Variants in PCDHGA7 observed in about 807,000 individuals in gnomAD.
PCDHGA7 encodes protocadherin gamma-A7.
A neutral mutation model predicts 58.3 loss-of-function variants in PCDHGA7; 44 were observed. The ratio of observed to expected loss-of-function variants is 0.75; its 90% CI spans 0.59 to 0.97. The LOEUF (loss-of-function observed/expected upper bound fraction) is 0.97. PCDHGA7 is among the 50% of genes least tolerant of loss of function. The pLI is 0.00. For missense variants in PCDHGA7, 1,266 were observed against 1,188.7 expected (o/e 1.06, Z -0.96); for synonymous variants, 516 against 504.2 (o/e 1.02, Z -0.31).
chr5:141,503,598 CAAAA>C (rs765754054), intron 2 of PCDHGA7, among the ~76,000 whole-genome samples: 2 of 65,756 alleles, frequency 3.0e-5, no homozygotes. Flanking sequence ...GACTCCAGCT[CAAAA>C]AAAAAAAAAA....
In PCDHGA7 at chr5:141,383,270, T is replaced by C. The variant is rs373497176; in HGVS notation, c.371T>C (p.Ile124Thr). 25 of 1,613,746 alleles carry C rather than the reference T, an allele frequency of 1.5e-5. No homozygotes were observed. Among genetic ancestry groups the C allele is most frequent in the East Asian group, 1.1e-4 (5 of 44,896 alleles). Residue 124 changes from isoleucine to threonine, a missense_variant, in exon 1 of 4, where the codon ATA becomes ACA. Physicochemically the swap from Ile to Thr is moderately conservative, Grantham distance 89. Transcript: ENST00000518325. ...CTTTACCCTATAGACGTGGAAATAA[T>C]AGATATTAATGACAACGTTCCAAGA... The part of the protein sequence containing the change: ...MNLYPIDVEI[I>T]DINDNVPRFL...
Position 141,485,574 on chromosome 5 carries a change from C to T in PCDHGA7, c.2425-9233C>T. 1 of 1,612,568 alleles carries T rather than the reference C, an allele frequency of 6.2e-7. No homozygotes were observed. Among genetic ancestry groups the T allele is most frequent in the Non-Finnish European group, 8.5e-7 (1 of 1,178,752 alleles). On this transcript the variant is annotated intron_variant, in intron 1 of 3. Transcript: ENST00000518325. This position sits in a 1 kb window ranked among gnomAD's most constrained non-coding sequence, Gnocchi z 5.7. ...GTGAATGATCACGCCCCCCGTTTTCCGCGGCAGCAGCTGGACTTGGAAATT... is the reference window on the plus strand; with the variant it reads ...GTGAATGATCACGCCCCCCGTTTTCTGCGGCAGCAGCTGGACTTGGAAATT...
chr5:141,400,559 C>T (rs2150864766), intron 1 of PCDHGA7: 2 of 1,613,274 alleles, frequency 1.2e-6, no homozygotes, highest in Non-Finnish European at 1.7e-6. Flanking sequence ...TTTTCATTAC[C>T]CACCCAATTT....
At chr5:141,448,921 G>A (rs1323304761) in intron 1 of PCDHGA7, among the ~76,000 whole-genome samples, 3 of 152,120 alleles carry the variant, frequency 2.0e-5, no homozygotes, top group Admixed American at 1.3e-4. Flanking sequence ...CTCCAGCCTG[G>A]GCGACAGAGC....
intron 1 of PCDHGA7, chr5:141,399,620 C>T: frequency 6.2e-7 from 1 of 1,613,940 alleles, no homozygotes; most frequent in Non-Finnish European, 8.5e-7. Flanking sequence ...CTGGCACTGG[C>T]CTCTTACGTG....
intron 1 of PCDHGA7, chr5:141,388,006 T>C (rs1353495946): frequency 6.7e-7 from 1 of 1,482,372 alleles, no homozygotes; most frequent in African/African-American, 1.4e-5. Flanking sequence ...CCCGAGGAAA[T>C]GCCCAAGGGC....
intron 1 of PCDHGA7, chr5:141,408,923 G>C: frequency 6.2e-7 from 1 of 1,613,488 alleles, no homozygotes; most frequent in Non-Finnish European, 8.5e-7. Flanking sequence ...TAACCCCCCG[G>C]TTTTCAGCAG....
intron 1 of PCDHGA7, chr5:141,423,386 G>T: frequency 6.2e-7 from 1 of 1,614,160 alleles, no homozygotes; most frequent in Middle Eastern, 1.7e-4. Flanking sequence ...CTGTGGCGCT[G>T]GCATAAGTCA....
At chr5:141,433,640 A>C (rs2097637476) in intron 1 of PCDHGA7, among the ~76,000 whole-genome samples, 2 of 152,138 alleles carry the variant, frequency 1.3e-5, no homozygotes, top group South Asian at 2.1e-4. Flanking sequence ...GTTTGAGACC[A>C]GCCTGACCAA....
rs765586654 is a variant in PCDHGA7 at position 141,421,994 on chromosome 5, T to C, written c.2424+36671T>C. 8 of 1,608,922 alleles carry C rather than the reference T, an allele frequency of 5.0e-6. No homozygotes were observed. In the African/African-American group the frequency reaches 5.4e-5, roughly 11 times the overall value. On this transcript the variant is annotated intron_variant, in intron 1 of 3. Coordinates refer to ENST00000518325, the MANE Select transcript of PCDHGA7 (RefSeq NM_018920.4). ...TATCGCGTGAGTGTTCCAGAAAACA[T>C]CAGCTCCGGAACTCGGGTGCTGATG...
intron 1 of PCDHGA7, among the ~76,000 whole-genome samples, chr5:141,472,994 A>AAAAG (rs1425445230): frequency 1.3e-5 from 2 of 151,692 alleles, no homozygotes; most frequent in Non-Finnish European, 2.9e-5. Context: ...AAAAAAAAAA[A>AAAAG]AAAGAAAGAA....
In PCDHGA7 at chr5:141,382,946, T is replaced by C. The variant is rs1415736753; in HGVS notation, c.47T>C (p.Leu16Pro). The C allele has an allele frequency of 1.7e-5, 27 of 1,598,228 alleles. No individual in the cohort carries two copies. Among genetic ancestry groups the C allele is most frequent in the Non-Finnish European group, 2.3e-5 (27 of 1,170,124 alleles). The change falls in exon 1 of 4, where the codon CTC (leucine) becomes CCC (proline). Residue 16 changes from leucine to proline, a missense_variant. Coordinates refer to ENST00000518325, the MANE Select transcript of PCDHGA7 (RefSeq NM_018920.4). ...RGGDYRGFFL[L>P]SILLGTPWEA... is the part of the protein sequence containing the mutation. ...GGGGACTACAGAGGATTCTTCCTGCTCTCCATCCTCCTGGGGACCCCCTGG... is the reference window on the plus strand; with the variant it reads ...GGGGACTACAGAGGATTCTTCCTGCCCTCCATCCTCCTGGGGACCCCCTGG...
At chr5:141,386,425 C>T (rs996269178) in intron 1 of PCDHGA7, among the ~76,000 whole-genome samples, 2 of 151,916 alleles carry the variant, frequency 1.3e-5, no homozygotes, top group East Asian at 1.9e-4. Context: ...AGCTGTAGCC[C>T]ACCTGCATGG....
intron 1 of PCDHGA7, chr5:141,403,051 C>T (rs1273209859): frequency 3.7e-6 from 6 of 1,614,086 alleles, no homozygotes; most frequent in Admixed American, 1.7e-5. Context: ...AGATTCGCTA[C>T]TCAGTGCCTG....
At chr5:141,399,644 A>G (rs2093855347) in intron 1 of PCDHGA7, 2 of 1,613,810 alleles carry the variant, frequency 1.2e-6, no homozygotes, top group Non-Finnish European at 8.5e-7. Context: ...ATGAGCGCGC[A>G]AAGTGGGGTG....
intron 1 of PCDHGA7, among the ~76,000 whole-genome samples, chr5:141,469,600 T>C (rs1276702104): frequency 6.6e-6 from 1 of 151,974 alleles, no homozygotes; most frequent in Non-Finnish European, 1.5e-5. Flanking sequence ...TAAAACAAAA[T>C]AAGTAAAATA....
At chr5:141,422,997 C>A in intron 1 of PCDHGA7, 3 of 1,614,218 alleles carry the variant, frequency 1.9e-6, no homozygotes, top group Non-Finnish European at 2.5e-6. Flanking sequence ...ACCTGGTGAC[C>A]AAGGTGGTTG....
intron 1 of PCDHGA7, among the ~76,000 whole-genome samples, chr5:141,468,994 T>C (rs2099188173): frequency 6.7e-6 from 1 of 148,824 alleles, no homozygotes; most frequent in Non-Finnish European, 1.5e-5. Context: ...ATTATTGTTT[T>C]TGCTGGGTGC....
chr5:141,451,116 CCA>C (rs1257364243), intron 1 of PCDHGA7, among the ~76,000 whole-genome samples: 1 of 152,200 alleles, frequency 6.6e-6, no homozygotes, highest in Non-Finnish European at 1.5e-5. Context: ...GCGTGAGCCA[CCA>C]CACCCAGCCT....
Sources: allele counts gnomAD v4.1 joint callset (sites outside exome capture counted in the v4.1 genomes callset), GRCh38; gene constraint gnomAD v4.1.1; non-coding constraint Gnocchi (gnomAD v3.1); transcripts MANE v1.5; gene names NCBI Gene and HGNC (gene_info 2026-07-23, HGNC 2026-07-21).